The following HMGN5 variants were observed in gnomAD, a reference collection of about 807,000 sequenced individuals.
HMGN5 encodes the protein high mobility group nucleosome-binding domain-containing protein 5.
In HMGN5, 4 loss-of-function variants were observed where a neutral mutation model predicts 9.5. The observed-to-expected ratio is 0.42, with a 90% CI of 0.21 to 0.96. The LOEUF (loss-of-function observed/expected upper bound fraction) is 0.96, where lower values mean the gene tolerates loss of function less well. HMGN5 is among the 40% of genes least tolerant of loss of function. The pLI is 0.30. For missense variants in HMGN5, 192 were observed against 187.5 expected (o/e 1.02, Z -0.14); for synonymous variants, 55 against 57.1 (o/e 0.96, Z 0.16).
intron 1 of HMGN5, among the ~76,000 whole-genome samples, chrX:81,126,645 C>T (rs1365088972): frequency 9.0e-6 from 1 of 111,515 alleles, no homozygotes; most frequent in Non-Finnish European, 1.9e-5. Flanking sequence ...AGATTTCTAA[C>T]ATCCAGTAGG....
chrX:81,145,473 G>T lies in HMGN5; in HGVS notation c.-123-23801C>A, dbSNP rs191722871. Among the ~76,000 whole-genome samples, 376 of 111,892 alleles carry T rather than the reference G, an allele frequency of 3.4e-3. 2 individuals carry two copies. The highest frequency in any genetic ancestry group is 0.012 in the African/African-American group (358 of 30,780). On this transcript the variant is annotated intron_variant, in intron 1 of 6. Coordinates refer to ENST00000358130, the MANE Select transcript of HMGN5 (RefSeq NM_030763.3). ...AATGCTGAGATATTGTCACCACCAG[G>T]CCTGCCTTACAAAAGCTCTGGAAGG...
intron 1 of HMGN5, among the ~76,000 whole-genome samples, chrX:81,130,987 C>T (rs1347739537): frequency 9.0e-6 from 1 of 111,371 alleles, no homozygotes; most frequent in African/African-American, 3.3e-5. Flanking sequence ...GAAGAACTTA[C>T]TCATGAGGCA....
chrX:81,152,128 G>T (rs1478468632), intron 1 of HMGN5, among the ~76,000 whole-genome samples: 1 of 111,652 alleles, frequency 9.0e-6, no homozygotes, highest in East Asian at 2.8e-4. Flanking sequence ...GGCAACAAAA[G>T]CCAAAATTCA....
intron 1 of HMGN5, among the ~76,000 whole-genome samples, chrX:81,135,234 T>A (rs754280669): frequency 9.0e-6 from 1 of 111,653 alleles, no homozygotes. Context: ...AACAAGGGAA[T>A]TTTATCCAGA....
intron 1 of HMGN5, among the ~76,000 whole-genome samples, chrX:81,155,947 G>A (rs2075381908): frequency 8.9e-6 from 1 of 111,739 alleles, no homozygotes; most frequent in African/African-American, 3.2e-5. Context: ...AACAAGGTCA[G>A]AGGATTGTCT....
intron 1 of HMGN5, among the ~76,000 whole-genome samples, chrX:81,185,416 G>A (rs2075474650): frequency 9.0e-6 from 1 of 110,949 alleles, no homozygotes; most frequent in African/African-American, 3.3e-5. Context: ...TTTTCAGATT[G>A]TTTTCTGTTG....
chrX:81,169,416 C>T (rs974870372), intron 1 of HMGN5, among the ~76,000 whole-genome samples: 1 of 111,272 alleles, frequency 9.0e-6, no homozygotes, highest in Non-Finnish European at 1.9e-5. Context: ...TCAGCATATC[C>T]TCAACCACTG....
At chrX:81,139,749 G>C (rs1203063738) in intron 1 of HMGN5, among the ~76,000 whole-genome samples, 1 of 111,892 alleles carries the variant, frequency 8.9e-6, no homozygotes, top group Non-Finnish European at 1.9e-5. Context: ...GCAGAAAGGA[G>C]AACTGAACCA....
At chrX:81,178,606 G>A (rs756358145) in intron 1 of HMGN5, among the ~76,000 whole-genome samples, 14 of 111,638 alleles carry the variant, frequency 1.3e-4, no homozygotes, top group East Asian at 5.6e-4. Flanking sequence ...ATTCACAGCC[G>A]AATTCTACCA....
At chrX:81,144,460 C>T (rs1764952165) in intron 1 of HMGN5, among the ~76,000 whole-genome samples, 1 of 111,303 alleles carries the variant, frequency 9.0e-6, no homozygotes, top group Admixed American at 9.6e-5. Context: ...TCAACATCAA[C>T]AAAAAGGATC....
rs1602574064 is a variant in HMGN5 at position 81,164,895 on chromosome X, T to C, written c.-124+36842A>G. 2.7e-5 allele frequency among the ~76,000 whole-genome samples: 3 copies of C among 111,412 alleles called. No individual in the cohort carries two copies. In the South Asian group the frequency reaches 1.1e-3, roughly 42 times the overall value. On this transcript the variant is annotated intron_variant, in intron 1 of 6. Coordinates refer to ENST00000358130, the MANE Select transcript of HMGN5 (RefSeq NM_030763.3). Reference sequence around the variant, plus strand: ...CCTGTTTCATTATAAAGAAACTCACTAGACTATAACCTCTTTTAAGCTCTG... The same window carrying C: ...CCTGTTTCATTATAAAGAAACTCACCAGACTATAACCTCTTTTAAGCTCTG...
chrX:81,155,761 G>A (rs138561034), intron 1 of HMGN5, among the ~76,000 whole-genome samples: 2,773 of 111,765 alleles, frequency 0.025, 33 homozygotes, highest in Non-Finnish European at 0.042. Context: ...TAGTAATTGG[G>A]AAGGAGCTGG....
At chrX:81,159,003 A>G (rs1041666662) in intron 1 of HMGN5, among the ~76,000 whole-genome samples, 3 of 111,637 alleles carry the variant, frequency 2.7e-5, no homozygotes, top group Non-Finnish European at 5.6e-5. Context: ...TCAATAATAG[A>G]CTGGATAAAG....
At chrX:81,143,049 A>C (rs1276974615) in intron 1 of HMGN5, among the ~76,000 whole-genome samples, 1 of 111,849 alleles carries the variant, frequency 8.9e-6, no homozygotes, top group Non-Finnish European at 1.9e-5. Flanking sequence ...AAACAACATT[A>C]AGCTATTATC....
At chrX:81,119,128 G>A (rs1342187535) in intron 3 of HMGN5, among the ~76,000 whole-genome samples, 1 of 111,393 alleles carries the variant, frequency 9.0e-6, no homozygotes, top group African/African-American at 3.3e-5. Flanking sequence ...TCTTAAATTC[G>A]AAGAAGCTTG....
chrX:81,158,414 A>C (rs760861358), intron 1 of HMGN5, among the ~76,000 whole-genome samples: 8 of 112,281 alleles, frequency 7.1e-5, no homozygotes, highest in African/African-American at 2.6e-4. Context: ...CATTTCTCTG[A>C]TGATCAGTGA....
chrX:81,182,076 G>C, intron 1 of HMGN5, among the ~76,000 whole-genome samples: 1 of 111,344 alleles, frequency 9.0e-6, no homozygotes, highest in Non-Finnish European at 1.9e-5. Context: ...AGTGTATGTG[G>C]GTTCCCGTTT....
At chrX:81,133,087 C>G (rs920209589) in intron 1 of HMGN5, among the ~76,000 whole-genome samples, 1 of 111,061 alleles carries the variant, frequency 9.0e-6, no homozygotes, top group African/African-American at 3.3e-5. Context: ...TAGTGGCCAA[C>G]AATCACATTA....
chrX:81,144,596 C>T (rs753632675), intron 1 of HMGN5, among the ~76,000 whole-genome samples: 245 of 111,627 alleles, frequency 2.2e-3, no homozygotes, highest in African/African-American at 7.5e-3. Context: ...CTCTCCTCCT[C>T]CAAAGGCACA....
Sources: allele counts gnomAD v4.1 joint callset (sites outside exome capture counted in the v4.1 genomes callset), GRCh38; gene constraint gnomAD v4.1.1; transcripts MANE v1.5; gene names NCBI Gene and HGNC (gene_info 2026-07-23, HGNC 2026-07-21).